SOX5: variants seen among roughly 807,000 people sequenced by gnomAD.
The protein encoded by SOX5 is SRY-box transcription factor 5, also known as transcription factor SOX-5.
Under a neutral mutation model 92.0 loss-of-function variants are expected in SOX5, and 9 were observed. That is an observed-to-expected ratio of 0.10 (90% CI 0.06 to 0.17). The LOEUF is 0.17. Ranked by LOEUF, SOX5 falls within the 10% of genes least tolerant of loss-of-function variation. SOX5 has a pLI of 1.00. For synonymous variants in SOX5, 344 were observed against 336.3 expected (o/e 1.02, Z -0.25); for missense variants, 642 against 944.5 (o/e 0.68, Z 4.20).
chr12:24,227,325 G>A (rs1021737777), intron 3 of SOX5: 12 of 152,172 alleles, frequency 7.9e-5, no homozygotes, highest in African/African-American at 1.9e-4. Context: ...AATGAAGAAC[G>A]TCTGTGTTCA....
intron 2 of SOX5, among the ~76,000 whole-genome samples, chr12:24,313,957 A>G (rs932319099): frequency 8.4e-6 from 1 of 118,878 alleles, no homozygotes; most frequent in African/African-American, 2.6e-5. Context: ...TCCTCAAATC[A>G]TCTTTGATTC....
At chr12:23,717,949 A>G (rs1257194361) in intron 6 of SOX5, among the ~76,000 whole-genome samples, 1 of 152,212 alleles carries the variant, frequency 6.6e-6, no homozygotes, top group African/African-American at 2.4e-5. Context: ...TGATTTTAAT[A>G]GAGAAAAACT....
chr12:23,909,352 A>C (rs1421578912), intron 1 of SOX5, among the ~76,000 whole-genome samples: 2 of 152,194 alleles, frequency 1.3e-5, no homozygotes, highest in African/African-American at 4.8e-5. Context: ...ATCTAGTTTT[A>C]GATGGTAATA....
chr12:23,718,757 C>T (rs908640594), intron 6 of SOX5, among the ~76,000 whole-genome samples: 1 of 152,018 alleles, frequency 6.6e-6, no homozygotes. Context: ...ATGAAAGCAA[C>T]CAAAGTGAGA....
chr12:23,578,330 G>C (rs371071174), intron 9 of SOX5, among the ~76,000 whole-genome samples: 1 of 149,552 alleles, frequency 6.7e-6, no homozygotes, highest in Admixed American at 6.8e-5. Context: ...AAGCACACCT[G>C]GGAACTTGTT....
chr12:24,092,969 G>T (rs1052453524), intron 4 of SOX5, among the ~76,000 whole-genome samples: 1 of 152,126 alleles, frequency 6.6e-6, no homozygotes, highest in African/African-American at 2.4e-5. Flanking sequence ...AGACCACATG[G>T]TGAGCGGCCC....
At chr12:24,067,271 G>A (rs765663768) in intron 4 of SOX5, among the ~76,000 whole-genome samples, 5 of 152,104 alleles carry the variant, frequency 3.3e-5, no homozygotes, top group Non-Finnish European at 5.9e-5. Context: ...AGGGGCAGGC[G>A]CCTCCCTGGA....
intron 7 of SOX5, among the ~76,000 whole-genome samples, chr12:23,641,200 GCACA>G (rs150654083): frequency 1.0e-3 from 153 of 151,174 alleles, no homozygotes; most frequent in African/African-American, 3.3e-3. Context: ...ACACGCGCGT[GCACA>G]CACACACACA....
chr12:24,380,033 T>G (rs1957672314), intron 1 of SOX5, among the ~76,000 whole-genome samples: 1 of 152,176 alleles, frequency 6.6e-6, no homozygotes, highest in African/African-American at 2.4e-5. Flanking sequence ...TATAGGGGCA[T>G]AGTAGCCTAT....
intron 1 of SOX5, among the ~76,000 whole-genome samples, chr12:24,524,383 CT>C (rs1566385895): frequency 3.3e-5 from 5 of 152,008 alleles, no homozygotes; most frequent in Admixed American, 1.3e-4. Flanking sequence ...ATCTATCTAT[CT>C]ATCCATCCAT....
intron 6 of SOX5, among the ~76,000 whole-genome samples, chr12:23,702,361 G>A (rs899135765): frequency 1.6e-4 from 25 of 151,954 alleles, no homozygotes; most frequent in Non-Finnish European, 2.2e-4. Context: ...AAAATTATCA[G>A]CTAAAAGGTC....
At chr12:24,202,806 A>ATGATGGTGATATATCTCATTACTGG (rs1957652515) in intron 4 of SOX5, among the ~76,000 whole-genome samples, 1 of 152,238 alleles carries the variant, frequency 6.6e-6, no homozygotes, top group East Asian at 1.9e-4. Context: ...TGAGAGGCAC[A>ATGATGGTGATATATCTCATTACTGG]TGATGGTGAT....
intron 3 of SOX5, among the ~76,000 whole-genome samples, chr12:24,260,164 C>A (rs1479057301): frequency 6.6e-6 from 1 of 152,116 alleles, no homozygotes; most frequent in Non-Finnish European, 1.5e-5. Context: ...AGAATAAAAG[C>A]TGTATCTGTG....
intron 1 of SOX5, among the ~76,000 whole-genome samples, chr12:24,543,915 T>G (rs1952373048): frequency 6.6e-6 from 1 of 152,206 alleles, no homozygotes; most frequent in Non-Finnish European, 1.5e-5. Context: ...ACTTATGAAC[T>G]ATATTTAAGA....
chr12:24,450,838 T>C (rs150391500), intron 1 of SOX5, among the ~76,000 whole-genome samples: 2 of 152,294 alleles, frequency 1.3e-5, no homozygotes, highest in East Asian at 3.9e-4. Context: ...CTTTTAGTTG[T>C]CTTGAAATAT....
In SOX5 at chr12:23,970,841, A is replaced by ATTTTT. The variant is rs1555456188; in HGVS notation, c.-1-74822_-1-74818dup. Among the ~76,000 whole-genome samples, 9 of 21,880 alleles carry ATTTTT rather than the reference A, an allele frequency of 4.1e-4. 1 individual carries two copies. Among genetic ancestry groups the ATTTTT allele is most frequent in the Non-Finnish European group, 7.2e-4 (7 of 9,706 alleles). The allele number at this position is 21,880 out of a possible 152,430, so 14.4% of individuals were successfully genotyped here. ...ACATGGGACTTTATATATATATATAATTTTTTTTTTTTTTTAAGAAATGGG... is the reference window on the plus strand; with the variant it reads ...ACATGGGACTTTATATATATATATAATTTTTTTTTTTTTTTTTTTTAAGAAATGGG... On this transcript the variant is annotated intron_variant, in intron 4 of 4. Transcript: ENST00000446891.
rs569652271 is a variant in SOX5, at chr12:24,507,000, C to T, written c.-251+55329G>A. ...AGAGACGGGGTTTCACCTTGTTAGC[C>T]AGGATGGTCTCGATTTCCTGACCTC... On this transcript the variant is annotated intron_variant, in intron 1 of 4. Coordinates refer to the SOX5 transcript ENST00000446891. Among the ~76,000 whole-genome samples the T allele has an allele frequency of 9.9e-5, 15 of 151,778 alleles. No individual in the cohort carries two copies. In the South Asian group the frequency reaches 2.7e-3, roughly 28 times the overall value.
intron 1 of SOX5, among the ~76,000 whole-genome samples, chr12:23,931,881 C>A (rs932224078): frequency 1.3e-5 from 2 of 151,114 alleles, no homozygotes; most frequent in Admixed American, 6.6e-5. Context: ...AGATTACCTG[C>A]AAAAAATGGT....
At chr12:24,480,501 C>A (rs902335843) in intron 1 of SOX5, among the ~76,000 whole-genome samples, 2 of 152,100 alleles carry the variant, frequency 1.3e-5, no homozygotes, top group African/African-American at 4.8e-5. Flanking sequence ...TATTTGTAAA[C>A]TACCCACCTG....
Sources: gnomAD v4.1 joint callset for allele counts (sites outside exome capture counted in the v4.1 genomes callset) on GRCh38, gnomAD v4.1.1 for gene constraint, MANE v1.5 for transcripts, NCBI Gene and HGNC (gene_info 2026-07-23, HGNC 2026-07-21) for gene names.